Variants in KCNN2 observed in about 807,000 individuals in gnomAD.
KCNN2 encodes potassium calcium-activated channel subfamily N member 2.
KCNN2 carries 24 observed loss-of-function variants against 55.5 expected under a neutral mutation model. The observed-to-expected ratio is 0.43, with a 90% CI of 0.31 to 0.61. The LOEUF is 0.61. Among genes scored for constraint, KCNN2 ranks in the 20% least tolerant of loss-of-function variants. The pLI, the probability that KCNN2 is intolerant of heterozygous loss-of-function variation, is 0.08. For synonymous variants in KCNN2, 431 were observed against 336.1 expected, an observed-to-expected ratio of 1.28 and a Z score of -3.09; for missense variants, 754 against 853.6, an observed-to-expected ratio of 0.88 and a Z score of 1.45.
chr5:114,407,533 C>T (rs1758975905), intron 3 of KCNN2, among the ~76,000 whole-genome samples: 1 of 152,038 alleles, frequency 6.6e-6, no homozygotes, highest in Non-Finnish European at 1.5e-5. Context: ...CCCAAAGATG[C>T]ATTTTTCTTT....
intron 2 of KCNN2, among the ~76,000 whole-genome samples, chr5:114,392,649 C>T (rs983455243): frequency 7.2e-5 from 11 of 152,076 alleles, no homozygotes; most frequent in African/African-American, 2.4e-4. Flanking sequence ...GAGATCTCAA[C>T]GAGACCATTG....
At chr5:114,446,019 G>A (rs1760391819) in intron 3 of KCNN2, among the ~76,000 whole-genome samples, 1 of 152,200 alleles carries the variant, frequency 6.6e-6, no homozygotes. Flanking sequence ...TTCACTTCTT[G>A]TGGATGTCAG....
intron 1 of KCNN2, among the ~76,000 whole-genome samples, chr5:114,183,428 T>C (rs2112555543): frequency 1.3e-5 from 2 of 152,242 alleles, no homozygotes; most frequent in Admixed American, 1.3e-4. Flanking sequence ...AGATTATTGT[T>C]GTTACTTTTA....
At chr5:114,184,981 C>T (rs1232050488) in intron 1 of KCNN2, among the ~76,000 whole-genome samples, 1 of 152,208 alleles carries the variant, frequency 6.6e-6, no homozygotes, top group African/African-American at 2.4e-5. Flanking sequence ...AGCCATAAAT[C>T]TACACAATTC....
chr5:114,288,499 T>TATACACAC (rs1305284375), intron 2 of KCNN2, among the ~76,000 whole-genome samples: 15 of 139,616 alleles, frequency 1.1e-4, no homozygotes, highest in South Asian at 2.4e-4. Flanking sequence ...TATATATATA[T>TATACACAC]ACACACACAC....
At chr5:114,421,493 G>A (rs1256385211) in intron 3 of KCNN2, among the ~76,000 whole-genome samples, 1 of 151,470 alleles carries the variant, frequency 6.6e-6, no homozygotes, top group Non-Finnish European at 1.5e-5. Flanking sequence ...GTTTCACCAT[G>A]TCGGCCACGC....
intron 3 of KCNN2, among the ~76,000 whole-genome samples, chr5:114,426,017 C>CAA (rs565439053): frequency 1.6e-4 from 22 of 140,086 alleles, no homozygotes; most frequent in African/African-American, 2.1e-4. Context: ...CCATCTCTAC[C>CAA]AAAAAAAAAA....
At chr5:114,306,949 C>A (rs918251081) in intron 2 of KCNN2, among the ~76,000 whole-genome samples, 1 of 151,988 alleles carries the variant, frequency 6.6e-6, no homozygotes, top group Non-Finnish European at 1.5e-5. Context: ...GGTGATCCAC[C>A]CACCTTGGCC....
chr5:114,056,272 C>G, exon 1 of KCNN2: 2 of 397,864 alleles, frequency 5.0e-6, no homozygotes, highest in East Asian at 3.6e-5. Context: ...CGGGGGCGCT[C>G]TCCCGGGCCG....
At chr5:114,196,720 T>A (rs116265354) in intron 1 of KCNN2, among the ~76,000 whole-genome samples, 4,551 of 152,216 alleles carry the variant, frequency 0.03, 234 homozygotes, top group African/African-American at 0.1. Context: ...GCAACTTACA[T>A]CTACTTTGTT....
At chr5:114,298,250 G>T (rs970000028) in intron 2 of KCNN2, among the ~76,000 whole-genome samples, 5 of 152,344 alleles carry the variant, frequency 3.3e-5, no homozygotes, top group African/African-American at 1.2e-4. Context: ...GTTCTGCTAG[G>T]AAAGGGACAC....
intron 2 of KCNN2, among the ~76,000 whole-genome samples, chr5:114,272,304 TCACAC>T (rs1399552529): frequency 3.9e-4 from 23 of 58,912 alleles, no homozygotes; most frequent in Non-Finnish European, 1.0e-3. Flanking sequence ...TATGTACATA[TCACAC>T]ACACACATAT....
intron 1 of KCNN2, among the ~76,000 whole-genome samples, chr5:114,116,799 C>A (rs2112590600): frequency 6.6e-6 from 1 of 152,236 alleles, no homozygotes; most frequent in Non-Finnish European, 1.5e-5. Context: ...TTTTGAACAA[C>A]TGTCAAATAA....
At chr5:114,423,175 C>T (rs1464472391) in intron 3 of KCNN2, among the ~76,000 whole-genome samples, 1 of 152,142 alleles carries the variant, frequency 6.6e-6, no homozygotes, top group Non-Finnish European at 1.5e-5. Flanking sequence ...TTTCTCTGTG[C>T]CTGGCACCAA....
At chr5:114,227,299 T>C (rs1029037992) in intron 2 of KCNN2, among the ~76,000 whole-genome samples, 1 of 152,198 alleles carries the variant, frequency 6.6e-6, no homozygotes, top group Non-Finnish European at 1.5e-5. Context: ...CTGTTCTCGC[T>C]ACTAAAAATA....
intron 1 of KCNN2, among the ~76,000 whole-genome samples, chr5:114,197,351 A>G (rs1753578599): frequency 6.6e-6 from 1 of 152,200 alleles, no homozygotes; most frequent in Admixed American, 6.5e-5. Context: ...GTTGGTTTAT[A>G]GAATTGTTCA....
chr5:114,093,887 T>G (rs1751200578), intron 1 of KCNN2, among the ~76,000 whole-genome samples: 1 of 152,140 alleles, frequency 6.6e-6, no homozygotes, highest in South Asian at 2.1e-4. Context: ...CTAACCATAG[T>G]ACAACCTAAA....
chr5:114,320,902 T>C (rs566918613), intron 2 of KCNN2, among the ~76,000 whole-genome samples: 23 of 152,282 alleles, frequency 1.5e-4, no homozygotes, highest in East Asian at 1.9e-4. Flanking sequence ...TGTTAGCTTT[T>C]TCATGAGGTT....
At chr5:114,445,761 C>G (rs1760381707) in intron 3 of KCNN2, among the ~76,000 whole-genome samples, 1 of 152,142 alleles carries the variant, frequency 6.6e-6, no homozygotes, top group Non-Finnish European at 1.5e-5. Context: ...TCTGTTATTT[C>G]TTCAGTAGCA....
Sources: allele counts gnomAD v4.1 joint callset (sites outside exome capture counted in the v4.1 genomes callset), GRCh38; gene constraint gnomAD v4.1.1; transcripts MANE v1.5; gene names NCBI Gene and HGNC (gene_info 2026-07-23, HGNC 2026-07-21).